COL21A1: variants seen among roughly 807,000 people sequenced by gnomAD.
COL21A1 encodes collagen alpha-1(XXI) chain.
COL21A1 carries 149 observed loss-of-function variants against 137.9 expected under a neutral mutation model. That is an observed-to-expected ratio of 1.08 (90% CI 0.95 to 1.24). The LOEUF (loss-of-function observed/expected upper bound fraction) is 1.24. COL21A1 is among the 50% of genes most tolerant of loss of function. The pLI, the probability that COL21A1 is intolerant of heterozygous loss-of-function variation, is 0.00. For missense variants in COL21A1, 1,167 were observed against 1,158.4 expected (o/e 1.01, Z -0.11); for synonymous variants, 456 against 391.5 (o/e 1.16, Z -1.95).
At chr6:56,288,910 A>G (rs1257118964) in intron 1 of COL21A1, among the ~76,000 whole-genome samples, 1 of 152,252 alleles carries the variant, frequency 6.6e-6, no homozygotes, top group Non-Finnish European at 1.5e-5. Context: ...GTAAATTACA[A>G]GAATTCCCTA....
At chr6:56,353,935 T>C (rs758486428) in intron 1 of COL21A1, among the ~76,000 whole-genome samples, 1 of 152,180 alleles carries the variant, frequency 6.6e-6, no homozygotes, top group Non-Finnish European at 1.5e-5. Flanking sequence ...CTCTACCCCA[T>C]AGATATGTAT....
At chr6:56,315,533 G>C (rs956925594) in intron 1 of COL21A1, among the ~76,000 whole-genome samples, 1 of 151,970 alleles carries the variant, frequency 6.6e-6, no homozygotes, top group African/African-American at 2.4e-5. Context: ...CTTTAGATCC[G>C]GGTTGAATCT....
At chr6:56,330,534 G>A (rs1177566576) in intron 1 of COL21A1, among the ~76,000 whole-genome samples, 1 of 151,986 alleles carries the variant, frequency 6.6e-6, no homozygotes. Context: ...ATGGATTTAG[G>A]GTTGCAAGGG....
intron 1 of COL21A1, among the ~76,000 whole-genome samples, chr6:56,277,194 T>A (rs1763686376): frequency 6.6e-6 from 1 of 152,146 alleles, no homozygotes; most frequent in Non-Finnish European, 1.5e-5. Context: ...GTGCACAATG[T>A]GCAGGTTTAT....
intron 1 of COL21A1, among the ~76,000 whole-genome samples, chr6:56,229,299 C>T (rs1012353884): frequency 5.9e-5 from 9 of 151,914 alleles, no homozygotes; most frequent in Non-Finnish European, 1.0e-4. Flanking sequence ...GAGGACAGAA[C>T]CATTGAGCCC....
At chr6:56,309,020 T>G (rs897198530) in intron 1 of COL21A1, among the ~76,000 whole-genome samples, 7 of 151,808 alleles carry the variant, frequency 4.6e-5, no homozygotes, top group African/African-American at 1.7e-4. Context: ...CGGCTGTTTG[T>G]TAATCACGCT....
chr6:56,143,568 T>C (rs576940851), intron 10 of COL21A1, among the ~76,000 whole-genome samples: 1 of 152,216 alleles, frequency 6.6e-6, no homozygotes, highest in Non-Finnish European at 1.5e-5. Context: ...TCACAGAATA[T>C]ATTGTTATGA....
At chr6:56,220,215 T>C (rs1780745468) in intron 1 of COL21A1, among the ~76,000 whole-genome samples, 1 of 152,062 alleles carries the variant, frequency 6.6e-6, no homozygotes, top group Non-Finnish European at 1.5e-5. Context: ...TCATGTTATA[T>C]GGAGAGATAA....
At chr6:56,074,655 A>G (rs992939026) in intron 19 of COL21A1, among the ~76,000 whole-genome samples, 2 of 151,374 alleles carry the variant, frequency 1.3e-5, no homozygotes, top group Non-Finnish European at 3.0e-5. Flanking sequence ...CCTGATTAAC[A>G]TTACTTAGAA....
rs78820557 is a variant in COL21A1 at position 56,129,675 on chromosome 6, C to CGTGTGTGTGTGT, written c.1543-3538_1543-3527dup. Among the ~76,000 whole-genome samples the CGTGTGTGTGTGT allele has an allele frequency of 2.2e-3, 301 of 136,480 alleles. 1 individual carries two copies. The highest frequency in any genetic ancestry group is 0.01 in the South Asian group (39 of 3,888). The allele number at this position is 136,480 out of a possible 152,430, so 89.5% of individuals were successfully genotyped here. On this transcript the variant is annotated intron_variant, in intron 12 of 29. Coordinates refer to ENST00000244728, the MANE Select transcript of COL21A1 (RefSeq NM_030820.4). ...TGTTGCTTCCTCTGTCACGTGCGTGCGTGTGTGTGTGTGTGTGTGTGTGTG... is the reference window on the plus strand; with the variant it reads ...TGTTGCTTCCTCTGTCACGTGCGTGCGTGTGTGTGTGTGTGTGTGTGTGTGTGTGTGTGTGTG...
intron 16 of COL21A1, among the ~76,000 whole-genome samples, chr6:56,112,687 C>T (rs2764057): frequency 0.67 from 83,006 of 124,238 alleles, 26,447 homozygotes; most frequent in East Asian, 0.83. Flanking sequence ...TTTCTTTTTT[C>T]TTTTTTTTTT....
intron 1 of COL21A1, among the ~76,000 whole-genome samples, chr6:56,301,366 A>G (rs1319085468): frequency 1.3e-5 from 2 of 152,208 alleles, no homozygotes; most frequent in Admixed American, 6.5e-5. Flanking sequence ...GGCATTCTCT[A>G]GAAGCTGAAA....
rs182049371 is a variant in COL21A1 at position 56,377,279 on chromosome 6, G to T, written c.-39+16692C>A. 3.4e-3 allele frequency among the ~76,000 whole-genome samples: 515 copies of T among 152,026 alleles called. 4 individuals carry two copies. Among genetic ancestry groups the T allele is most frequent in the African/African-American group, 0.012 (481 of 41,436 alleles). On this transcript the variant is annotated intron_variant, in intron 1 of 28. Transcript: ENST00000370819. ...GCTGGGATTACAGGCGTGAGCCACC[G>T]CGCCCGGCCCGGAAAAACAGTCTTA...
chr6:56,277,544 T>C (rs1031543013), intron 1 of COL21A1, among the ~76,000 whole-genome samples: 2 of 152,244 alleles, frequency 1.3e-5, no homozygotes, highest in Non-Finnish European at 1.5e-5. Context: ...TATGTATGCA[T>C]AATAACTACC....
At chr6:56,209,421 A>G (rs561740102) in intron 1 of COL21A1, among the ~76,000 whole-genome samples, 2 of 152,278 alleles carry the variant, frequency 1.3e-5, no homozygotes, top group South Asian at 4.1e-4. Flanking sequence ...AAGAACATAA[A>G]TGAATTTACA....
intron 1 of COL21A1, among the ~76,000 whole-genome samples, chr6:56,303,698 C>T (rs1307710505): frequency 6.6e-6 from 1 of 152,210 alleles, no homozygotes; most frequent in Non-Finnish European, 1.5e-5. Context: ...TTGACTTCCT[C>T]TTTTCCTAAT....
intron 1 of COL21A1, among the ~76,000 whole-genome samples, chr6:56,229,060 A>G (rs1781383624): frequency 6.6e-6 from 1 of 151,840 alleles, no homozygotes; most frequent in African/African-American, 2.4e-5. Context: ...TTATTTTTTG[A>G]TGCTTTCCAA....
rs560537001 is a variant in COL21A1, at chr6:56,242,041, G to A, written c.-39+5346C>T. 5.3e-5 allele frequency among the ~76,000 whole-genome samples: 8 copies of A among 152,184 alleles called. No homozygotes were observed. In the South Asian group the frequency reaches 8.3e-4, roughly 16 times the overall value. Reference sequence around the variant, plus strand: ...CTTAATAGTTATTTGATGAATGGGTGAACACTAACAAGGAATGTTCCTCCC... The same window carrying A: ...CTTAATAGTTATTTGATGAATGGGTAAACACTAACAAGGAATGTTCCTCCC... On this transcript the variant is annotated intron_variant, in intron 1 of 29. Transcript: ENST00000244728.
intron 1 of COL21A1, among the ~76,000 whole-genome samples, chr6:56,195,816 G>A (rs983339608): frequency 3.9e-5 from 6 of 151,998 alleles, no homozygotes; most frequent in Admixed American, 3.9e-4. Context: ...GAGAATTAAT[G>A]CCAATTCTCC....
Sources: allele counts gnomAD v4.1 joint callset (sites outside exome capture counted in the v4.1 genomes callset), GRCh38; gene constraint gnomAD v4.1.1; transcripts MANE v1.5; gene names NCBI Gene and HGNC (gene_info 2026-07-23, HGNC 2026-07-21).